The following PARP1 variants were observed in gnomAD, a reference collection of about 807,000 sequenced individuals.
PARP1 encodes the protein poly [ADP-ribose] polymerase 1.
A neutral mutation model predicts 118.7 loss-of-function variants in PARP1; 44 were observed. The ratio of observed to expected loss-of-function variants is 0.37; its 90% confidence interval spans 0.29 to 0.48. The LOEUF is 0.48. Ranked by LOEUF, PARP1 falls within the 20% of genes least tolerant of loss-of-function variation. The pLI, the probability that PARP1 is intolerant of heterozygous loss-of-function variation, is 0.99. For missense variants in PARP1, 1,100 were observed against 1,272.4 expected, an observed-to-expected ratio of 0.86 and a Z score of 2.06; for synonymous variants, 492 against 483.2, an observed-to-expected ratio of 1.02 and a Z score of -0.24.
At chr1:226,375,425 A>G (rs1460520234) in intron 13 of PARP1, among the ~76,000 whole-genome samples, 3 of 152,214 alleles carry the variant, frequency 2.0e-5, no homozygotes, top group African/African-American at 4.8e-5. Flanking sequence ...CTAAATGACT[A>G]ACAGGAGGCA....
intron 10 of PARP1, 61 bp from the exon 11 acceptor site, chr1:226,379,702 G>T: frequency 7.0e-7 from 1 of 1,420,712 alleles, no homozygotes; most frequent in East Asian, 2.3e-5. Flanking sequence ...GTAAGGGGAA[G>T]GTAGAAGGCA....
intron 2 of PARP1, among the ~76,000 whole-genome samples, chr1:226,394,301 G>A (rs918797539): frequency 2.0e-5 from 3 of 152,236 alleles, no homozygotes; most frequent in Non-Finnish European, 4.4e-5. Context: ...AGGCTACAGT[G>A]AGCTAGGATC....
intron 14 of PARP1, among the ~76,000 whole-genome samples, chr1:226,371,860 T>C (rs1664388585): frequency 1.7e-5 from 2 of 114,722 alleles, no homozygotes; most frequent in Non-Finnish European, 4.3e-5. Flanking sequence ...CCTCAAAACA[T>C]ACGCACAGAC....
At chr1:226,363,607 A>G (rs1449562165) in intron 20 of PARP1, among the ~76,000 whole-genome samples, 4 of 152,204 alleles carry the variant, frequency 2.6e-5, no homozygotes, top group Admixed American at 6.5e-5. Flanking sequence ...GGGTTGGTCT[A>G]AGAAAACTGA....
At chr1:226,401,777 T>C (rs113218741) in intron 2 of PARP1, among the ~76,000 whole-genome samples, 5 of 152,262 alleles carry the variant, frequency 3.3e-5, no homozygotes, top group African/African-American at 1.2e-4. Context: ...TCCAAACCCA[T>C]AGAATGTAGA....
At chr1:226,372,670 G>A (rs1039927325) in intron 14 of PARP1, among the ~76,000 whole-genome samples, 4 of 143,964 alleles carry the variant, frequency 2.8e-5, no homozygotes, top group African/African-American at 5.4e-5. Context: ...GTGAAACTCC[G>A]TCTCAAACCA....
At chr1:226,363,872 GGA>G in intron 20 of PARP1, 69 bp downstream of exon 20, 2 of 1,541,378 alleles carry the variant, frequency 1.3e-6, no homozygotes, top group Non-Finnish European at 1.8e-6. Context: ...CCAGCCAAGG[GGA>G]GTTCTGCCTA....
chr1:226,387,768 A>C (rs1015603766), intron 5 of PARP1, among the ~76,000 whole-genome samples: 13 of 152,184 alleles, frequency 8.5e-5, no homozygotes, highest in African/African-American at 2.9e-4. Flanking sequence ...CTCTCTATAC[A>C]TCTCTGATAC....
intron 1 of PARP1, among the ~76,000 whole-genome samples, chr1:226,406,024 G>C (rs1576405547): frequency 6.6e-6 from 1 of 151,900 alleles, no homozygotes; most frequent in African/African-American, 2.4e-5. Context: ...AGGTAATTTG[G>C]GTACAGTAAC....
intron 8 of PARP1, among the ~76,000 whole-genome samples, chr1:226,382,360 A>T (rs1056230319): frequency 1.3e-5 from 2 of 152,120 alleles, no homozygotes; most frequent in African/African-American, 4.8e-5. Flanking sequence ...CAGGGCCCGG[A>T]TGACTGGTGG....
chr1:226,400,739 AG>A, intron 2 of PARP1, among the ~76,000 whole-genome samples: 1 of 152,362 alleles, frequency 6.6e-6, no homozygotes, highest in Admixed American at 6.5e-5. Context: ...TGCAGAGGCC[AG>A]GAACACAGTC....
In PARP1 at chr1:226,364,289, C is replaced by T. The variant is rs534485397; in HGVS notation, c.2659-219G>A. 1.5e-4 allele frequency: 79 copies of T among 531,528 alleles called. No homozygotes were observed. In the East Asian group the frequency reaches 1.9e-3, roughly 12 times the overall value. The allele number at this position is 531,528 out of a possible 1,614,324, so 32.9% of individuals were successfully genotyped here. Reference sequence around the variant, plus strand: ...GGTGCCAAGGAGCTGCAAGAAGCTACGTAACCTCTCTGGACTCTACTTGCC... The same window carrying T: ...GGTGCCAAGGAGCTGCAAGAAGCTATGTAACCTCTCTGGACTCTACTTGCC... On this transcript the variant is annotated intron_variant, in intron 19 of 22. Coordinates refer to ENST00000366794, the MANE Select transcript of PARP1 (RefSeq NM_001618.4).
intron 14 of PARP1, among the ~76,000 whole-genome samples, chr1:226,372,783 C>T (rs1323379928): frequency 3.3e-5 from 5 of 152,118 alleles, no homozygotes; most frequent in African/African-American, 1.2e-4. Context: ...ACAGATAGAC[C>T]AAGGTGTGGG....
intron 14 of PARP1, chr1:226,370,854 T>C (rs1411281870): frequency 3.0e-6 from 1 of 332,294 alleles, no homozygotes; most frequent in Non-Finnish European, 5.8e-6. Context: ...TGAGGGCTCA[T>C]AAATCATGCT....
At chr1:226,388,903 C>G in intron 4 of PARP1, 148 bp from the exon 5 acceptor site, 1 of 725,652 alleles carries the variant, frequency 1.4e-6, no homozygotes, top group South Asian at 1.5e-5. Context: ...CTGCCCCACT[C>G]AGTGCCCTTA....
intron 21 of PARP1, 32 bp from the exon 22 acceptor site, chr1:226,362,115 T>C (rs767734601): frequency 8.2e-7 from 1 of 1,226,700 alleles, no homozygotes; most frequent in South Asian, 1.2e-5. Context: ...TGACATGAAC[T>C]GTGAGTACAG....
chr1:226,391,236 G>A (rs1390804163), intron 3 of PARP1, among the ~76,000 whole-genome samples: 2 of 151,924 alleles, frequency 1.3e-5, no homozygotes, highest in South Asian at 2.1e-4. Flanking sequence ...ACCGTGCCCA[G>A]CCCCCAATGC....
intron 20 of PARP1, among the ~76,000 whole-genome samples, chr1:226,363,642 C>G (rs1234121227): frequency 6.6e-6 from 1 of 152,174 alleles, no homozygotes; most frequent in Non-Finnish European, 1.5e-5. Flanking sequence ...GAGGAGGCGG[C>G]CTGGGGGATC....
intron 13 of PARP1, among the ~76,000 whole-genome samples, chr1:226,375,536 C>T (rs1439994806): frequency 6.6e-6 from 1 of 152,172 alleles, no homozygotes; most frequent in African/African-American, 2.4e-5. Flanking sequence ...GTGGCCAATA[C>T]AGTAGCCACT....
Sources: gnomAD v4.1 joint callset for allele counts (sites outside exome capture counted in the v4.1 genomes callset) on GRCh38, gnomAD v4.1.1 for gene constraint, MANE v1.5 for transcripts, NCBI Gene and HGNC (gene_info 2026-07-23, HGNC 2026-07-21) for gene names.